Variants in MLLT3 observed in about 807,000 individuals in gnomAD.
MLLT3 encodes MLLT3 super elongation complex subunit.
In MLLT3, 4 loss-of-function variants were observed where a neutral mutation model predicts 53.2. The ratio of observed to expected loss-of-function variants is 0.08; its 90% confidence interval spans 0.04 to 0.17. MLLT3 has a LOEUF of 0.17. MLLT3 is among the 10% of genes least tolerant of loss of function. MLLT3 has a pLI of 1.00. For missense variants in MLLT3, 569 were observed against 684.0 expected, an observed-to-expected ratio of 0.83 and a Z score of 1.87; for synonymous variants, 283 against 230.6, an observed-to-expected ratio of 1.23 and a Z score of -2.06.
At chr9:20,361,626 T>C (rs1201281457) in intron 7 of MLLT3, among the ~76,000 whole-genome samples, 2 of 152,190 alleles carry the variant, frequency 1.3e-5, no homozygotes, top group Non-Finnish European at 2.9e-5. Context: ...TACAATGATA[T>C]ATTTTAAAAA....
intron 2 of MLLT3, among the ~76,000 whole-genome samples, chr9:20,602,151 G>T (rs987762732): frequency 6.6e-6 from 1 of 152,058 alleles, no homozygotes; most frequent in Non-Finnish European, 1.5e-5. Context: ...ATTTTTTAGC[G>T]ATATGAATCA....
intron 4 of MLLT3, among the ~76,000 whole-genome samples, chr9:20,422,452 C>T (rs1823032980): frequency 6.6e-6 from 1 of 152,094 alleles, no homozygotes; most frequent in African/African-American, 2.4e-5. Context: ...TCAATTTACC[C>T]AGATCTGTAA....
intron 2 of MLLT3, among the ~76,000 whole-genome samples, chr9:20,549,744 T>C (rs1364444428): frequency 3.9e-5 from 6 of 152,198 alleles, no homozygotes; most frequent in Non-Finnish European, 8.8e-5. Context: ...CACTACCTAC[T>C]CAGACCTTTT....
chr9:20,596,098 G>A (rs896116048), intron 2 of MLLT3, among the ~76,000 whole-genome samples: 2 of 152,182 alleles, frequency 1.3e-5, no homozygotes, highest in Non-Finnish European at 2.9e-5. Context: ...ATTATGGGCA[G>A]GCTTAAGGGA....
chr9:20,547,762 G>C (rs1818827855), intron 2 of MLLT3, among the ~76,000 whole-genome samples: 1 of 152,004 alleles, frequency 6.6e-6, no homozygotes, highest in Admixed American at 6.6e-5. Flanking sequence ...ACTAGCCTGG[G>C]CAACAGAACA....
chr9:20,360,768 G>T lies in MLLT3; in HGVS notation c.1405C>A (p.Pro469Thr), dbSNP rs779719219. ...TGGTTGTTGTTGGTTTTTAGTAAGG[G>T]TGGTGGAGGTTCGTGATGTAGGGGT... Reference protein sequence around the residue: ...SSPLHHEPPPPLLKTNNNQIL... With the variant: ...SSPLHHEPPPTLLKTNNNQIL... Residue 469 changes from proline to threonine, a missense_variant, in exon 8 of 11, where the codon CCC becomes ACC. Pro to Thr is a conservative substitution (Grantham distance 38). Coordinates refer to ENST00000380338, the MANE Select transcript of MLLT3 (RefSeq NM_004529.4). 6.2e-7 allele frequency: 1 copy of T among 1,613,930 alleles called. No individual in the cohort carries two copies. Among genetic ancestry groups the T allele is most frequent in the East Asian group, 2.2e-5 (1 of 44,898 alleles).
intron 10 of MLLT3, among the ~76,000 whole-genome samples, chr9:20,351,491 T>C (rs1425950300): frequency 6.6e-6 from 1 of 152,248 alleles, no homozygotes; most frequent in Non-Finnish European, 1.5e-5. Context: ...ACTGTATTTA[T>C]ACCCTTTGAA....
intron 2 of MLLT3, chr9:20,533,007 G>C (rs1166109045): frequency 7.8e-6 from 2 of 256,822 alleles, no homozygotes; most frequent in Non-Finnish European, 1.5e-5. Flanking sequence ...GAACAAAAAG[G>C]CTCAGCTGGT....
At chr9:20,567,560 C>G (rs569244222) in intron 2 of MLLT3, among the ~76,000 whole-genome samples, 3 of 152,170 alleles carry the variant, frequency 2.0e-5, no homozygotes, top group African/African-American at 7.2e-5. Flanking sequence ...CTTATCATCA[C>G]AGTTCTCCTT....
intron 2 of MLLT3, among the ~76,000 whole-genome samples, chr9:20,564,641 C>G (rs1486164811): frequency 6.6e-6 from 1 of 152,158 alleles, no homozygotes; most frequent in Non-Finnish European, 1.5e-5. Context: ...AAACAACAAC[C>G]AACTATTTTC....
chr9:20,579,296 G>A (rs980463366), intron 2 of MLLT3, among the ~76,000 whole-genome samples: 3 of 152,016 alleles, frequency 2.0e-5, no homozygotes, highest in Non-Finnish European at 4.4e-5. Context: ...CTTGAGCACA[G>A]GAGTCAAAGG....
At chr9:20,367,092 C>T (rs576289459) in intron 5 of MLLT3, among the ~76,000 whole-genome samples, 6 of 152,272 alleles carry the variant, frequency 3.9e-5, no homozygotes, top group African/African-American at 9.6e-5. Flanking sequence ...GGGAAAATGT[C>T]GCCATTGTTT....
At chr9:20,573,343 C>A (rs1199498298) in intron 2 of MLLT3, among the ~76,000 whole-genome samples, 2 of 151,992 alleles carry the variant, frequency 1.3e-5, no homozygotes, top group African/African-American at 4.8e-5. Flanking sequence ...CTGTGCCTGG[C>A]TAATTTTCTG....
intron 2 of MLLT3, among the ~76,000 whole-genome samples, chr9:20,511,787 C>T (rs1030400822): frequency 1.3e-5 from 2 of 152,092 alleles, no homozygotes; most frequent in African/African-American, 4.8e-5. Context: ...CACACCTCTG[C>T]CTCTCCTTCC....
At chr9:20,532,120 C>T (rs997479962) in intron 2 of MLLT3, among the ~76,000 whole-genome samples, 4 of 151,912 alleles carry the variant, frequency 2.6e-5, no homozygotes, top group African/African-American at 4.8e-5. Flanking sequence ...TGGCCTCAAG[C>T]GAAACATTAA....
intron 5 of MLLT3, among the ~76,000 whole-genome samples, chr9:20,399,747 C>T (rs1035337458): frequency 6.6e-6 from 1 of 152,044 alleles, no homozygotes; most frequent in African/African-American, 2.4e-5. Context: ...CTGGAGAAGG[C>T]TTAAAAGCAG....
At chr9:20,462,360 T>C (rs1824131645) in intron 2 of MLLT3, among the ~76,000 whole-genome samples, 1 of 152,226 alleles carries the variant, frequency 6.6e-6, no homozygotes, top group Admixed American at 6.5e-5. Flanking sequence ...AACAAATACA[T>C]TGAGTTGTAT....
At chr9:20,483,280 G>A (rs550659977) in intron 2 of MLLT3, among the ~76,000 whole-genome samples, 27 of 151,964 alleles carry the variant, frequency 1.8e-4, no homozygotes, top group African/African-American at 3.4e-4. Flanking sequence ...TGTTGCCCAG[G>A]CTGGAGTGCA....
chr9:20,446,417 T>C (rs1823701931), intron 4 of MLLT3, among the ~76,000 whole-genome samples: 1 of 152,206 alleles, frequency 6.6e-6, no homozygotes, highest in Non-Finnish European at 1.5e-5. Context: ...GATGCAGTGC[T>C]GCACTTTGCT....
Sources: allele counts gnomAD v4.1 joint callset (sites outside exome capture counted in the v4.1 genomes callset), GRCh38; gene constraint gnomAD v4.1.1; transcripts MANE v1.5; gene names NCBI Gene and HGNC (gene_info 2026-07-23, HGNC 2026-07-21).